DIPK1A: variants seen among roughly 807,000 people sequenced by gnomAD.
DIPK1A encodes divergent protein kinase domain 1A.
Under a neutral mutation model 40.8 loss-of-function variants are expected in DIPK1A, and 27 were observed. The observed-to-expected ratio is 0.66, with a 90% confidence interval of 0.49 to 0.91. The LOEUF (loss-of-function observed/expected upper bound fraction) is 0.91, where lower values mean the gene tolerates loss of function less well. Among genes scored for constraint, DIPK1A ranks in the 40% least tolerant of loss-of-function variants. The probability of loss-of-function intolerance (pLI) is 0.00; values close to 1 mark genes in which losing one functional copy is unlikely to be tolerated. For synonymous variants in DIPK1A, 166 were observed against 171.3 expected (o/e 0.97, Z 0.24); for missense variants, 412 against 505.7 (o/e 0.81, Z 1.78).
chr1:92,956,515 G>A (rs1173150070), intron 1 of DIPK1A, among the ~76,000 whole-genome samples: 1 of 152,178 alleles, frequency 6.6e-6, no homozygotes, highest in Non-Finnish European at 1.5e-5. Flanking sequence ...TTGGAGGATA[G>A]AGAACAACCA....
chr1:92,904,748 A>T (rs888013512), intron 1 of DIPK1A, among the ~76,000 whole-genome samples: 1 of 151,950 alleles, frequency 6.6e-6, no homozygotes, highest in Admixed American at 6.6e-5. Flanking sequence ...CAAATACTAG[A>T]TCTTATTCAT....
rs1557441101 is a variant in DIPK1A at position 92,836,411 on chromosome 1, A to AC, written c.475-3378dup. 8.1e-6 allele frequency: 13 copies of AC among 1,608,938 alleles called. No homozygotes were observed. The South Asian group carries it at 1.4e-4, about 18-fold the overall frequency. On this transcript the variant is annotated intron_variant, in intron 4 of 4. Coordinates refer to the DIPK1A transcript ENST00000615519. ...CTCACAGGTAAGAATACTATTTAAG[A>AC]CCTTGGTGCCTGGACCGTGGTACTT... is the stretch of plus-strand genomic sequence containing the variant.
chr1:92,936,748 CTTTATCTAT>C (rs1650961387), intron 1 of DIPK1A, among the ~76,000 whole-genome samples: 1 of 152,206 alleles, frequency 6.6e-6, no homozygotes, highest in Admixed American at 6.5e-5. Flanking sequence ...CATCAAGACC[CTTTATCTAT>C]TGCTTTATTG....
chr1:92,895,926 A>G (rs1418688726), intron 1 of DIPK1A, among the ~76,000 whole-genome samples: 5 of 152,098 alleles, frequency 3.3e-5, no homozygotes, highest in South Asian at 4.1e-4. Context: ...AGAATAAAAT[A>G]CCTAGGAATC....
At chr1:92,865,434 A>G (rs1647490824) in intron 2 of DIPK1A, among the ~76,000 whole-genome samples, 1 of 152,016 alleles carries the variant, frequency 6.6e-6, no homozygotes, top group Non-Finnish European at 1.5e-5. Context: ...AGAAAAAAGC[A>G]CAAGTGAAAA....
At chr1:92,940,331 G>C (rs1212595880) in intron 1 of DIPK1A, among the ~76,000 whole-genome samples, 2 of 152,166 alleles carry the variant, frequency 1.3e-5, no homozygotes, top group South Asian at 2.1e-4. Context: ...ACATCTGTCC[G>C]AGCACATCCC....
chr1:92,945,830 C>A (rs116307405), intron 1 of DIPK1A, among the ~76,000 whole-genome samples: 1 of 152,220 alleles, frequency 6.6e-6, no homozygotes, highest in Non-Finnish European at 1.5e-5. Context: ...CTAAGTGTAA[C>A]CAGGTAATTA....
chr1:92,937,959 C>A (rs1312375132), intron 1 of DIPK1A, among the ~76,000 whole-genome samples: 1 of 152,206 alleles, frequency 6.6e-6, no homozygotes, highest in Non-Finnish European at 1.5e-5. Flanking sequence ...CCCCAGGTCA[C>A]AGCTTCACAG....
downstream of DIPK1A, chr1:92,840,357 A>G (rs573590670): frequency 1.8e-4 from 101 of 553,678 alleles, no homozygotes; most frequent in Non-Finnish European, 2.1e-4. Context: ...GATAATTCAC[A>G]TTGCATAAGG....
chr1:92,900,985 A>G (rs976904687), intron 1 of DIPK1A, among the ~76,000 whole-genome samples: 1 of 152,024 alleles, frequency 6.6e-6, no homozygotes, highest in African/African-American at 2.4e-5. Context: ...TTTCACCTAT[A>G]GTTGGAACTT....
At chr1:92,935,104 G>A (rs905832995) in intron 1 of DIPK1A, among the ~76,000 whole-genome samples, 16 of 152,196 alleles carry the variant, frequency 1.1e-4, no homozygotes, top group Non-Finnish European at 2.2e-4. Context: ...GAAGCCCAGC[G>A]AAGGTGGGTC....
At chr1:92,899,452 G>C (rs947914888) in intron 1 of DIPK1A, among the ~76,000 whole-genome samples, 2 of 152,152 alleles carry the variant, frequency 1.3e-5, no homozygotes, top group Non-Finnish European at 2.9e-5. Context: ...CAATTGAAGT[G>C]AGTTTCTTGT....
Position 92,843,797 on chromosome 1 carries a change from G to C in DIPK1A, c.873C>G (p.Leu291=), listed in dbSNP as rs1011412181. 9.7e-6 allele frequency: 15 copies of C among 1,551,710 alleles called. No homozygotes were observed. In the African/African-American group the frequency reaches 2.1e-4, roughly 21 times the overall value. The change falls in exon 5 of 5, where the codon CTC becomes CTG. Residue 291 remains leucine, a synonymous_variant. Transcript: ENST00000370310. ...GGTTTTTGGCACTAGTATCGCACATGAGGAAATTTCCGTAGGGGCCATGGA... is the reference window on the plus strand; with the variant it reads ...GGTTTTTGGCACTAGTATCGCACATCAGGAAATTTCCGTAGGGGCCATGGA... ...DVFHGPYGNF[L]MCDTSAKNLG... is the part of the protein sequence containing the mutation.
At chr1:92,927,836 C>A (rs1571132631) in intron 1 of DIPK1A, among the ~76,000 whole-genome samples, 1 of 152,182 alleles carries the variant, frequency 6.6e-6, no homozygotes, top group Non-Finnish European at 1.5e-5. Context: ...GGATATACCA[C>A]ATTTTATTTT....
At chr1:92,932,906 G>C (rs1184086635) in intron 1 of DIPK1A, 1 of 152,180 alleles carries the variant, frequency 6.6e-6, no homozygotes, top group Non-Finnish European at 1.5e-5. Context: ...TACATCAAGA[G>C]TAAACCCTAA....
At chr1:92,960,829 C>A (rs1183023345) in intron 1 of DIPK1A, among the ~76,000 whole-genome samples, 1 of 152,202 alleles carries the variant, frequency 6.6e-6, no homozygotes, top group Non-Finnish European at 1.5e-5. Flanking sequence ...ACGAGGCACA[C>A]GCTGCTTTTT....
chr1:92,840,266 C>CT, downstream of DIPK1A: 1 of 378,702 alleles, frequency 2.6e-6, no homozygotes, highest in Non-Finnish European at 5.0e-6. Flanking sequence ...CCACTTCAGA[C>CT]TCCCAAAGTG....
chr1:92,927,349 C>G (rs1398735124), intron 1 of DIPK1A, among the ~76,000 whole-genome samples: 1 of 145,118 alleles, frequency 6.9e-6, no homozygotes, highest in East Asian at 2.0e-4. Flanking sequence ...TGCATGCCAC[C>G]ATGCCAATTT....
At chr1:92,893,778 C>G (rs983324883) in intron 1 of DIPK1A, among the ~76,000 whole-genome samples, 1 of 151,922 alleles carries the variant, frequency 6.6e-6, no homozygotes, top group Non-Finnish European at 1.5e-5. Context: ...CAGAGACACA[C>G]ATAGGCTCAA....
Sources: gnomAD v4.1 joint callset for allele counts (sites outside exome capture counted in the v4.1 genomes callset) on GRCh38, gnomAD v4.1.1 for gene constraint, MANE v1.5 for transcripts, NCBI Gene and HGNC (gene_info 2026-07-23, HGNC 2026-07-21) for gene names.